Variants in METTL2B observed in about 807,000 individuals in gnomAD.
The protein encoded by METTL2B is methyltransferase 2B, tRNA N3-cytidine.
A neutral mutation model predicts 51.0 loss-of-function variants in METTL2B; 28 were observed. The ratio of observed to expected loss-of-function variants is 0.55; its 90% confidence interval spans 0.41 to 0.75. METTL2B has a LOEUF of 0.75. Ranked by LOEUF, METTL2B falls within the 30% of genes least tolerant of loss-of-function variation. METTL2B has a pLI of 0.00. For synonymous variants in METTL2B, 128 were observed against 166.3 expected, an observed-to-expected ratio of 0.77 and a Z score of 1.77; for missense variants, 313 against 460.7, an observed-to-expected ratio of 0.68 and a Z score of 2.93.
intron 7 of METTL2B, among the ~76,000 whole-genome samples, chr7:128,500,497 C>T (rs576329418): frequency 4.6e-5 from 7 of 152,186 alleles, no homozygotes; most frequent in African/African-American, 1.2e-4. Context: ...TGGTGGGAAC[C>T]TGTAATCCCA....
In METTL2B at chr7:128,506,331, C is replaced by T. The variant is rs1793120468; in HGVS notation, c.*4415C>T. 6.6e-6 allele frequency: 1 copy of T among 152,180 alleles called. No homozygotes were observed. Among genetic ancestry groups the T allele is most frequent in the South Asian group, 2.1e-4 (1 of 4,832 alleles). 9.4% of individuals were successfully genotyped at this position (152,180 alleles called of 1,614,324 possible). ...CTAAAGCATTGCAAAACTATAGGCA[C>T]AGTTTTTATTTTATCTTTCTGGCAC... On this transcript the variant is annotated 3_prime_UTR_variant, in exon 9 of 9. Coordinates refer to ENST00000262432, the MANE Select transcript of METTL2B (RefSeq NM_018396.3).
At chr7:128,494,354 G>C (rs1338548948) in intron 6 of METTL2B, among the ~76,000 whole-genome samples, 1 of 152,180 alleles carries the variant, frequency 6.6e-6, no homozygotes, top group East Asian at 1.9e-4. Context: ...TGTTCTGATA[G>C]ACACAAAGAA....
intron 5 of METTL2B, among the ~76,000 whole-genome samples, chr7:128,492,686 G>A (rs1490824077): frequency 4.6e-5 from 7 of 151,660 alleles, no homozygotes; most frequent in South Asian, 4.2e-4. Flanking sequence ...GTGCGATCTC[G>A]GCTCACTGCA....
intron 7 of METTL2B, among the ~76,000 whole-genome samples, chr7:128,499,489 G>A (rs1291337852): frequency 6.7e-6 from 1 of 148,686 alleles, no homozygotes; most frequent in Admixed American, 6.7e-5. Flanking sequence ...AATTACAGGT[G>A]TGAGCCACTG....
chr7:128,477,269 T>G, intron 2 of METTL2B, 96 bp downstream of exon 2: 1 of 1,522,568 alleles, frequency 6.6e-7, no homozygotes. Flanking sequence ...CCCACATCCT[T>G]TATTCCTGGC....
chr7:128,478,494 C>T (rs1176086739), intron 2 of METTL2B, among the ~76,000 whole-genome samples: 2 of 150,208 alleles, frequency 1.3e-5, no homozygotes, highest in Admixed American at 1.3e-4. Flanking sequence ...CGTGATCCGC[C>T]CATCTTAGCC....
chr7:128,492,741 C>T (rs1010944337), intron 5 of METTL2B, among the ~76,000 whole-genome samples: 5 of 151,606 alleles, frequency 3.3e-5, no homozygotes, highest in East Asian at 2.0e-4. Context: ...CTCAGCCTCC[C>T]GAGTAGCTGG....
chr7:128,491,761 C>A (rs1270103279), intron 5 of METTL2B, among the ~76,000 whole-genome samples: 326 of 114,500 alleles, frequency 2.8e-3, no homozygotes, highest in South Asian at 3.8e-3. Context: ...GACTCTGTCT[C>A]AAAAAAAAAA....
At chr7:128,484,016 A>C (rs1052871855) in intron 4 of METTL2B, 28 of 149,900 alleles carry the variant, frequency 1.9e-4, no homozygotes, top group African/African-American at 6.9e-4. Context: ...GTGCCACTGT[A>C]CCCGGCTAAT....
At chr7:128,498,004 C>A (rs17837494) in intron 6 of METTL2B, 32 bp from the exon 7 acceptor site, 2 of 1,609,202 alleles carry the variant, frequency 1.2e-6, no homozygotes, top group African/African-American at 2.7e-5. Flanking sequence ...TTAAGGAGAC[C>A]TGATTAACTA....
intron 5 of METTL2B, among the ~76,000 whole-genome samples, chr7:128,491,761 C>CAA (rs57526525): frequency 0.2 from 23,191 of 114,122 alleles, 2,759 homozygotes; most frequent in East Asian, 0.31. Context: ...GACTCTGTCT[C>CAA]AAAAAAAAAA....
chr7:128,489,478 A>T (rs1379714689), intron 5 of METTL2B, among the ~76,000 whole-genome samples: 2 of 151,964 alleles, frequency 1.3e-5, no homozygotes, highest in East Asian at 3.9e-4. Flanking sequence ...TTTATTGCTA[A>T]AACATATTAA....
At chr7:128,500,585 G>A (rs111414850) in intron 7 of METTL2B, among the ~76,000 whole-genome samples, 5,483 of 152,264 alleles carry the variant, frequency 0.036, 231 homozygotes, top group East Asian at 0.22. Flanking sequence ...TCACGCCATT[G>A]CACCCAGCCT....
intron 7 of METTL2B, among the ~76,000 whole-genome samples, chr7:128,499,798 G>A (rs898840444): frequency 3.9e-5 from 6 of 152,146 alleles, no homozygotes; most frequent in Non-Finnish European, 7.3e-5. Flanking sequence ...TGGGATTACA[G>A]GCGTGAGCCA....
chr7:128,486,003 A>G (rs554266500), intron 4 of METTL2B, among the ~76,000 whole-genome samples: 1 of 152,230 alleles, frequency 6.6e-6, no homozygotes, highest in East Asian at 1.9e-4. Flanking sequence ...AAACTTAAAG[A>G]AAAGCACAGG....
chr7:128,478,035 T>C (rs1799825118), intron 2 of METTL2B: 1 of 394,834 alleles, frequency 2.5e-6, no homozygotes, highest in African/African-American at 2.1e-5. Flanking sequence ...AAATCCTGTT[T>C]CTTAGGGAGT....
In METTL2B at chr7:128,505,812, GT is replaced by G. The variant is rs1210492872; in HGVS notation, c.*3897del. The G allele has an allele frequency of 1.3e-5, 2 of 152,062 alleles. No individual in the cohort carries two copies. Among genetic ancestry groups the G allele is most frequent in the African/African-American group, 4.8e-5 (2 of 41,420 alleles). The allele number at this position is 152,062 out of a possible 1,614,324, so 9.4% of individuals were successfully genotyped here. ...TACTTGTCTCAATATGGACCCATGG[GT>G]ATTTGAGTTTCTTGTGGGGTTATTT... is the stretch of plus-strand genomic sequence containing the variant. On this transcript the variant is annotated 3_prime_UTR_variant, in exon 9 of 9. Coordinates refer to ENST00000262432, the MANE Select transcript of METTL2B (RefSeq NM_018396.3).
chr7:128,481,980 G>C lies in METTL2B; in HGVS notation c.608+1284G>C, dbSNP rs1325024719. 5.3e-5 allele frequency among the ~76,000 whole-genome samples: 8 copies of C among 151,924 alleles called. No individual in the cohort carries two copies. The East Asian group carries it at 1.3e-3, about 26-fold the overall frequency. On this transcript the variant is annotated intron_variant, in intron 4 of 8. Transcript: ENST00000262432. ...TATACAGCTAGGACACAGACTTATG[G>C]GAAAATTAATTTTAAAAGGAGAAGA...
intron 4 of METTL2B, among the ~76,000 whole-genome samples, chr7:128,484,632 G>A (rs905686328): frequency 1.3e-5 from 2 of 151,804 alleles, no homozygotes; most frequent in African/African-American, 2.4e-5. Flanking sequence ...TTGCCCTGTC[G>A]CCCGGGCTGG....
Sources: allele counts gnomAD v4.1 joint callset (sites outside exome capture counted in the v4.1 genomes callset), GRCh38; gene constraint gnomAD v4.1.1; transcripts MANE v1.5; gene names NCBI Gene and HGNC (gene_info 2026-07-23, HGNC 2026-07-21).